The following LCT variants were observed in gnomAD, a reference collection of about 807,000 sequenced individuals.
The protein encoded by LCT is lactase.
LCT carries 90 observed loss-of-function variants against 173.0 expected under a neutral mutation model. The ratio of observed to expected loss-of-function variants is 0.52; its 90% CI spans 0.44 to 0.62. The LOEUF (loss-of-function observed/expected upper bound fraction) is 0.62. Among genes scored for constraint, LCT ranks in the 20% least tolerant of loss-of-function variants. LCT has a pLI of 0.00. For missense variants in LCT, 1,864 were observed against 2,431.4 expected (o/e 0.77, Z 4.91); for synonymous variants, 853 against 957.6 (o/e 0.89, Z 2.02).
At chr2:135,802,451 G>C (rs1282712438) in intron 11 of LCT, among the ~76,000 whole-genome samples, 1 of 152,152 alleles carries the variant, frequency 6.6e-6, no homozygotes, top group Non-Finnish European at 1.5e-5. Flanking sequence ...GCCAAGATAT[G>C]GAATCAACCT....
intron 11 of LCT, 66 bp from the exon 12 acceptor site, chr2:135,800,875 C>T (rs1441380930): frequency 1.6e-6 from 2 of 1,282,016 alleles, no homozygotes; most frequent in Non-Finnish European, 2.3e-6. Flanking sequence ...ATTGTTAGTC[C>T]CTGCCTGCAG....
chr2:135,829,921 C>T (rs556406226), intron 2 of LCT, among the ~76,000 whole-genome samples: 1 of 151,834 alleles, frequency 6.6e-6, no homozygotes, highest in Non-Finnish European at 1.5e-5. Flanking sequence ...CTCATCCATG[C>T]GCCTCTGTGC....
At chr2:135,829,277 T>C (rs959424548) in intron 3 of LCT, among the ~76,000 whole-genome samples, 2 of 152,112 alleles carry the variant, frequency 1.3e-5, no homozygotes, top group Non-Finnish European at 2.9e-5. Flanking sequence ...ATCACCCCCA[T>C]TGATGAGTTG....
chr2:135,793,246 A>G (rs935329059), intron 14 of LCT, among the ~76,000 whole-genome samples: 4 of 152,238 alleles, frequency 2.6e-5, no homozygotes, highest in Non-Finnish European at 5.9e-5. Flanking sequence ...GCACTGGAGC[A>G]GGTGCTGGTA....
intron 14 of LCT, among the ~76,000 whole-genome samples, chr2:135,791,313 C>T (rs1241636262): frequency 3.3e-5 from 5 of 152,238 alleles, no homozygotes; most frequent in South Asian, 2.1e-4. Context: ...TTGCAGACCA[C>T]GGGTGAGGCC....
chr2:135,830,020 TG>T (rs2105555014), intron 2 of LCT, among the ~76,000 whole-genome samples: 1 of 152,334 alleles, frequency 6.6e-6, no homozygotes, highest in South Asian at 2.1e-4. Flanking sequence ...TAGAGGCCAG[TG>T]CTGCCCCTGG....
chr2:135,788,619 A>G, intron 16 of LCT, 75 bp from the exon 17 acceptor site: 1 of 957,006 alleles, frequency 1.0e-6, no homozygotes, highest in Non-Finnish European at 1.7e-6. Context: ...ACCCCAGCAG[A>G]GGCTGCACGG....
chr2:135,808,619 G>T lies in LCT; in HGVS notation c.3728C>A (p.Thr1243Lys), dbSNP rs749355445. ...CCAGGGCGCAGCTCTGTTCATTGCCGTGGAAGGCCACGAAGGGTCCTCCTC... is the reference window on the plus strand; with the variant it reads ...CCAGGGCGCAGCTCTGTTCATTGCCTTGGAAGGCCACGAAGGGTCCTCCTC... The part of the protein sequence containing the change: ...AEEEDPSWPS[T>K]AMNRAAPWGT... Residue 1243 changes from threonine to lysine, a missense_variant, in exon 8 of 17, where the codon ACG (threonine) becomes AAG (lysine). Transcript: ENST00000264162. The T allele has an allele frequency of 6.2e-7, 1 of 1,614,092 alleles. No individual in the cohort carries two copies. The highest frequency in any genetic ancestry group is 1.3e-5 in the African/African-American group (1 of 74,934).
chr2:135,797,953 C>T, intron 13 of LCT, 76 bp downstream of exon 13: 1 of 834,490 alleles, frequency 1.2e-6, no homozygotes, highest in South Asian at 1.3e-5. Context: ...GAAGCTCAGT[C>T]ATGGTAACTT....
At chr2:135,812,037 C>T (rs2077738298) in intron 7 of LCT, among the ~76,000 whole-genome samples, 1 of 152,112 alleles carries the variant, frequency 6.6e-6, no homozygotes, top group Non-Finnish European at 1.5e-5. Context: ...GATGTTTATG[C>T]CACCGCACTC....
chr2:135,812,991 G>C (rs1162200002), intron 6 of LCT, 35 bp from the exon 7 acceptor site: 1 of 1,589,730 alleles, frequency 6.3e-7, no homozygotes, highest in East Asian at 2.2e-5. Context: ...ACAGTGATTA[G>C]TAATAATAAC....
At position 135,822,049 on chromosome 2, in the gene LCT, A is replaced by G; in HGVS notation, c.957T>C (p.Phe319=). 6.2e-7 allele frequency: 1 copy of G among 1,609,398 alleles called. No individual in the cohort carries two copies. The highest frequency in any genetic ancestry group is 1.3e-5 in the African/African-American group (1 of 74,990). The part of the protein sequence containing the change: ...VLTIGFDINE[F]LSCSSSSKKS... ...TCTTGGAACTTGATGAACAACTCAG[A>G]AACTCATTAATATCAAACCCAATGG... The change falls in exon 5 of 17, where the codon TTT becomes TTC. Residue 319 remains phenylalanine, a synonymous_variant. Transcript: ENST00000264162.
Position 135,817,827 on chromosome 2 carries a change from C to T in LCT, c.1221G>A (p.Gly407=), listed in dbSNP as rs1457865658. The change falls in exon 6 of 17, where the codon GGG becomes GGA. Residue 407 remains glycine (G), a synonymous_variant. Coordinates refer to ENST00000264162, the MANE Select transcript of LCT (RefSeq NM_002299.4). ...GCCTGCGTGGATCCCAGATGCTCAC[C>T]CCTCTCCCACCCTCGGCCCAGCCTC... ...VEGGWAEGGR[G]VSIWDPRRPL... 5.6e-6 allele frequency: 9 copies of T among 1,614,064 alleles called. No homozygotes were observed. Among genetic ancestry groups the T allele is most frequent in the Admixed American group, 3.3e-5 (2 of 60,024 alleles).
chr2:135,828,457 G>A (rs58509842), intron 3 of LCT, among the ~76,000 whole-genome samples: 32,422 of 152,122 alleles, frequency 0.21, 3,919 homozygotes, highest in Middle Eastern at 0.4. Flanking sequence ...TGAAAGCAGC[G>A]GGGAGTGGTT....
At chr2:135,810,223 T>A in intron 7 of LCT, 1 of 521,256 alleles carries the variant, frequency 1.9e-6, no homozygotes, top group Non-Finnish European at 3.4e-6. Context: ...AGAAGCTGTT[T>A]GATCTGTAAC....
Position 135,829,643 on chromosome 2 carries a change from A to G in LCT, c.754T>C (p.Tyr252His), listed in dbSNP as rs1269969755. The change falls in exon 3 of 17, where the codon TAT (tyrosine) becomes CAT (histidine). Residue 252 changes from tyrosine (Y) to histidine (H), a missense_variant. Physicochemically the swap from Tyr to His is moderately conservative, Grantham distance 83. This residue lies in a region of LCT where 412 missense variants were observed against 462.0 expected (regional missense o/e 0.89). Transcript: ENST00000264162. ...TVDFLSLDLS[Y>H]ECQNEASLRQ... is the part of the protein sequence containing the mutation. ...AGACTTGCCTCATTTTGGCATTCAT[A>G]AGACAAATCAAGAGAGAGGAAATCG... 1 of 1,613,844 alleles carries G rather than the reference A, an allele frequency of 6.2e-7. No homozygotes were observed. Among genetic ancestry groups the G allele is most frequent in the Admixed American group, 1.7e-5 (1 of 60,012 alleles).
rs751453817 is a variant in LCT at position 135,836,514 on chromosome 2, G to A, written c.640+16C>T. The A allele has an allele frequency of 2.5e-6, 4 of 1,613,154 alleles. No individual in the cohort carries two copies. The highest frequency in any genetic ancestry group is 3.4e-6 in the Non-Finnish European group (4 of 1,179,244). ...AAGGTTGCCGAGGGGTCACCATCAG[G>A]TCAATGTGTACTCACCCTGAAAAGC... On this transcript the variant is annotated intron_variant, in intron 1 of 16. Transcript: ENST00000264162.
chr2:135,830,288 C>A (rs998013895), intron 2 of LCT, among the ~76,000 whole-genome samples: 2 of 152,184 alleles, frequency 1.3e-5, no homozygotes, highest in Non-Finnish European at 2.9e-5. Context: ...ATCCACACTT[C>A]TGATGAGGAT....
In LCT at chr2:135,817,374, G is replaced by A. The variant is rs751661758; in HGVS notation, c.1674C>T (p.Pro558=). 6.2e-6 allele frequency: 10 copies of A among 1,614,034 alleles called. No homozygotes were observed. The highest frequency in any genetic ancestry group is 1.6e-4 in the Middle Eastern group (1 of 6,062). ...YAGYGTGQHP[P]GISDPGVASF... is the part of the protein sequence containing the mutation. Reference sequence around the variant, plus strand: ...AGGCCACTCCTGGGTCAGAGATGCCGGGAGGGTGCTGGCCGGTGCCATAGC... The same window carrying A: ...AGGCCACTCCTGGGTCAGAGATGCCAGGAGGGTGCTGGCCGGTGCCATAGC... The change falls in exon 6 of 17, where the codon CCC becomes CCT. Residue 558 remains proline, a synonymous_variant. Coordinates refer to ENST00000264162, the MANE Select transcript of LCT (RefSeq NM_002299.4).
Sources: allele counts gnomAD v4.1 joint callset (sites outside exome capture counted in the v4.1 genomes callset), GRCh38; gene constraint gnomAD v4.1.1; regional missense constraint gnomAD v4.1.1; transcripts MANE v1.5; gene names NCBI Gene and HGNC (gene_info 2026-07-23, HGNC 2026-07-21).